Variants in RGSL1 observed in about 807,000 individuals in gnomAD.
RGSL1 encodes regulator of G protein signaling like 1, also known as regulator of G protein signaling protein-like.
In RGSL1, 97 loss-of-function variants were observed where a neutral mutation model predicts 124.7. The observed-to-expected ratio is 0.78, with a 90% CI of 0.66 to 0.92. The LOEUF is 0.92. Among genes scored for constraint, RGSL1 ranks in the 40% least tolerant of loss-of-function variants. RGSL1 has a pLI of 0.00. For synonymous variants in RGSL1, 424 were observed against 438.1 expected (o/e 0.97, Z 0.40); for missense variants, 1,233 against 1,288.4 (o/e 0.96, Z 0.66).
In RGSL1 at chr1:182,489,163, T is replaced by C. The variant is rs1253695272; in HGVS notation, c.1678T>C (p.Ser560Pro). The change falls in exon 8 of 22, where the codon TCT (serine) becomes CCT (proline). Residue 560 changes from serine to proline, a missense_variant. By Grantham distance (74) the Ser-to-Pro change is moderately conservative. Transcript: ENST00000294854. ...IATEDLKQGGSLQVELTSPVF... is the reference protein window; with the variant it reads ...IATEDLKQGGPLQVELTSPVF... ...TACTGAGGACCTGAAGCAAGGAGGC[T>C]CTCTCCAGGTAGAGCTGACATCTCC... 1 of 1,551,700 alleles carries C rather than the reference T, an allele frequency of 6.4e-7. No homozygotes were observed.
At chr1:182,463,145 T>A (rs1652983924) in intron 4 of RGSL1, among the ~76,000 whole-genome samples, 2 of 151,732 alleles carry the variant, frequency 1.3e-5, no homozygotes, top group Non-Finnish European at 2.9e-5. Context: ...TACAAAAAAA[T>A]TAGCCGGGAA....
chr1:182,513,415 A>G (rs1472605168), intron 9 of RGSL1, among the ~76,000 whole-genome samples: 4 of 152,268 alleles, frequency 2.6e-5, no homozygotes, highest in Admixed American at 1.3e-4. Flanking sequence ...AAACATGTGT[A>G]TTATACAAGG....
At chr1:182,539,362 T>C (rs1327157286) in intron 14 of RGSL1, among the ~76,000 whole-genome samples, 1 of 152,152 alleles carries the variant, frequency 6.6e-6, no homozygotes, top group Non-Finnish European at 1.5e-5. Context: ...ATGGTAACCC[T>C]AGGGTCAAGC....
At chr1:182,475,439 T>C (rs557928040) in intron 6 of RGSL1, among the ~76,000 whole-genome samples, 1 of 151,884 alleles carries the variant, frequency 6.6e-6, no homozygotes, top group East Asian at 1.9e-4. Context: ...AAGGAATGGG[T>C]GGTGCAGTGG....
intron 6 of RGSL1, among the ~76,000 whole-genome samples, chr1:182,481,400 T>C (rs886356272): frequency 1.3e-5 from 2 of 152,102 alleles, no homozygotes; most frequent in Admixed American, 6.5e-5. Context: ...GAGAAGAAAT[T>C]GAAAGCCTGA....
Position 182,474,225 on chromosome 1 carries a change from T to C in RGSL1, c.1114T>C (p.Leu372=), listed in dbSNP as rs1194737351. The C allele has an allele frequency of 4.0e-5, 62 of 1,551,860 alleles. No individual in the cohort carries two copies. The Admixed American group carries it at 1.0e-3, about 26-fold the overall frequency. The part of the protein sequence containing the change: ...KQSFSLGYIH[L]ALCADACAGN... ...AAGCTTCTCCTTAGGATACATCCAC[T>C]TGGCCTTGTGTGCTGATGCCTGTGC... The change falls in exon 6 of 22, where the codon TTG becomes CTG. Residue 372 remains leucine, a synonymous_variant. Transcript: ENST00000294854.
chr1:182,550,395 G>A (rs960400105), intron 17 of RGSL1: 3 of 152,196 alleles, frequency 2.0e-5, no homozygotes, highest in African/African-American at 4.8e-5. Context: ...TCAAGGAGAG[G>A]GGAGGAGGGC....
intron 9 of RGSL1, among the ~76,000 whole-genome samples, chr1:182,512,132 A>T (rs1657509534): frequency 6.6e-6 from 1 of 152,088 alleles, no homozygotes; most frequent in African/African-American, 2.4e-5. Flanking sequence ...CTATTACTGT[A>T]TTGTGGTCTT....
At chr1:182,511,247 C>T (rs935683764) in intron 9 of RGSL1, among the ~76,000 whole-genome samples, 8 of 152,106 alleles carry the variant, frequency 5.3e-5, no homozygotes, top group African/African-American at 1.7e-4. Flanking sequence ...CTCACTGCAA[C>T]GTGTGCCTCC....
At chr1:182,533,178 CAA>C (rs1266993317) in intron 14 of RGSL1, among the ~76,000 whole-genome samples, 4 of 152,110 alleles carry the variant, frequency 2.6e-5, no homozygotes, top group East Asian at 1.9e-4. Context: ...GAAAGTCCCT[CAA>C]GAGATAACAT....
At chr1:182,456,442 G>A (rs1356637772) in intron 2 of RGSL1, among the ~76,000 whole-genome samples, 8 of 151,974 alleles carry the variant, frequency 5.3e-5, no homozygotes, top group South Asian at 2.1e-4. Flanking sequence ...GACTACAGGC[G>A]TGCACCACCA....
At chr1:182,453,713 T>G (rs950918042) in intron 1 of RGSL1, among the ~76,000 whole-genome samples, 3 of 152,204 alleles carry the variant, frequency 2.0e-5, no homozygotes, top group Admixed American at 6.5e-5. Flanking sequence ...CCACTTCGCC[T>G]TCTTCATAAA....
At chr1:182,459,786 C>T (rs1652658622) in intron 3 of RGSL1, among the ~76,000 whole-genome samples, 1 of 152,208 alleles carries the variant, frequency 6.6e-6, no homozygotes, top group African/African-American at 2.4e-5. Context: ...TTATTTTCTA[C>T]AGATCCATTT....
Position 182,556,233 on chromosome 1 carries a change from G to C in RGSL1, c.*165+11G>C. 1 of 623,484 alleles carries C rather than the reference G, an allele frequency of 1.6e-6. No individual in the cohort carries two copies. The highest frequency in any genetic ancestry group is 2.8e-6 in the Non-Finnish European group (1 of 353,992). 38.6% of individuals were successfully genotyped at this position (623,484 alleles called of 1,614,324 possible). A position where few individuals can be genotyped will look rare whatever the true frequency, so the allele number is the denominator to read the frequency against. ...ACCAGACTGCAATGGGTAAGACTTG[G>C]GCAGAGCATGAGAGGAAGCGCATCT... On this transcript the variant is annotated intron_variant, in intron 21 of 21. Transcript: ENST00000294854.
At chr1:182,556,278 G>A in intron 21 of RGSL1, 56 bp downstream of exon 21, 1 of 524,554 alleles carries the variant, frequency 1.9e-6, no homozygotes, top group Non-Finnish European at 3.4e-6. Flanking sequence ...AGTGAGTTGG[G>A]TCAGGAGACC....
intron 14 of RGSL1, among the ~76,000 whole-genome samples, chr1:182,537,736 G>A (rs1659641156): frequency 6.6e-6 from 1 of 151,768 alleles, no homozygotes; most frequent in African/African-American, 2.4e-5. Context: ...CTAGTCTCTC[G>A]GTGGAAACAG....
intron 4 of RGSL1, 97 bp downstream of exon 4, chr1:182,460,230 G>C: frequency 1.1e-6 from 1 of 950,854 alleles, no homozygotes; most frequent in Non-Finnish European, 1.4e-6. Context: ...ATGCCTGTAT[G>C]TGTGTGTGTG....
At chr1:182,507,211 A>T (rs1656883384) in intron 9 of RGSL1, 1 of 151,670 alleles carries the variant, frequency 6.6e-6, no homozygotes, top group Non-Finnish European at 1.5e-5. Context: ...CTGGTCTCGA[A>T]CTCCCGACCT....
chr1:182,496,888 CCTTT>C (rs35610763), intron 9 of RGSL1, among the ~76,000 whole-genome samples: 130,771 of 151,660 alleles, frequency 0.86, 56,696 homozygotes, highest in African/African-American at 0.9. Context: ...GATTCTAGAA[CCTTT>C]CTTTACTGAT....
Sources: gnomAD v4.1 joint callset for allele counts (sites outside exome capture counted in the v4.1 genomes callset) on GRCh38, gnomAD v4.1.1 for gene constraint, MANE v1.5 for transcripts, NCBI Gene and HGNC (gene_info 2026-07-23, HGNC 2026-07-21) for gene names.